UNC80: variants seen among roughly 807,000 people sequenced by gnomAD.
The protein encoded by UNC80 is unc-80 subunit of NALCN channel complex.
UNC80 carries 164 observed loss-of-function variants against 384.6 expected under a neutral mutation model. That is an observed-to-expected ratio of 0.43 (90% CI 0.38 to 0.49). The LOEUF is 0.49. Among genes scored for constraint, UNC80 ranks in the 20% least tolerant of loss-of-function variants. The pLI is 0.00. For missense variants in UNC80, 3,330 were observed against 4,143.0 expected (o/e 0.80, Z 5.39); for synonymous variants, 1,486 against 1,527.8 (o/e 0.97, Z 0.64).
In UNC80 at chr2:209,939,714, T is replaced by A. The variant is rs537883910; in HGVS notation, c.6646+62T>A. ...TTCTAACACACTTGTTGTTTTTTTT[T>A]AAAATTTTATTATTATTATACTTTA... On this transcript the variant is annotated intron_variant, in intron 43 of 64. Transcript: ENST00000673920. 1,512 of 1,392,578 alleles carry A rather than the reference T, an allele frequency of 1.1e-3. 1 individual carries two copies. Among genetic ancestry groups the A allele is most frequent in the Non-Finnish European group, 1.3e-3 (1,354 of 1,049,768 alleles). The allele number at this position is 1,392,578 out of a possible 1,614,324, so 86.3% of individuals were successfully genotyped here.
chr2:209,928,808 C>T (rs1226906084), intron 36 of UNC80, among the ~76,000 whole-genome samples: 1 of 152,138 alleles, frequency 6.6e-6, no homozygotes, highest in Non-Finnish European at 1.5e-5. Flanking sequence ...TATCCATTAA[C>T]CAACCTTTCC....
chr2:209,838,757 T>C (rs942096263), intron 18 of UNC80, among the ~76,000 whole-genome samples: 6 of 151,962 alleles, frequency 3.9e-5, no homozygotes, highest in African/African-American at 1.5e-4. Flanking sequence ...GTCAGGAGAT[T>C]GAGACCATCC....
chr2:209,875,555 C>G (rs1451249376), intron 23 of UNC80, among the ~76,000 whole-genome samples: 1 of 152,186 alleles, frequency 6.6e-6, no homozygotes, highest in African/African-American at 2.4e-5. Context: ...CACTCAGAAA[C>G]TACCTTTCAT....
intron 25 of UNC80, among the ~76,000 whole-genome samples, chr2:209,881,357 G>C (rs2085274691): frequency 6.6e-6 from 1 of 152,058 alleles, no homozygotes; most frequent in South Asian, 2.1e-4. Flanking sequence ...AATTATGCTG[G>C]GAATATCTAG....
Position 209,935,776 on chromosome 2 carries a change from C to T in UNC80, c.6241C>T (p.His2081Tyr). Reference protein sequence around the residue: ...ECDIPTQLPVHEDTQFEALLK... With the variant: ...ECDIPTQLPVYEDTQFEALLK... ...CGATATCCCAACCCAGTTACCAGTCCATGAAGACACTCAATTTGAAGCCCT... is the reference window on the plus strand; with the variant it reads ...CGATATCCCAACCCAGTTACCAGTCTATGAAGACACTCAATTTGAAGCCCT... The change falls in exon 40 of 65, where the codon CAT (histidine) becomes TAT (tyrosine). Residue 2081 changes from histidine to tyrosine, a missense_variant. Coordinates refer to ENST00000673920, the MANE Select transcript of UNC80 (RefSeq NM_001371986.1). 1 of 1,540,594 alleles carries T rather than the reference C, an allele frequency of 6.5e-7. No individual in the cohort carries two copies. The highest frequency in any genetic ancestry group is 8.8e-7 in the Non-Finnish European group (1 of 1,142,822).
intron 13 of UNC80, among the ~76,000 whole-genome samples, chr2:209,824,349 G>C (rs113149448): frequency 6.6e-6 from 1 of 152,128 alleles, no homozygotes; most frequent in Non-Finnish European, 1.5e-5. Context: ...ACCTCTGTTA[G>C]GTATGAAGAA....
intron 17 of UNC80, among the ~76,000 whole-genome samples, 199 bp downstream of exon 17, chr2:209,834,367 A>C (rs1299921970): frequency 6.6e-6 from 1 of 152,206 alleles, no homozygotes; most frequent in Non-Finnish European, 1.5e-5. Context: ...TGCTGCCTCT[A>C]ATATGAATTA....
intron 22 of UNC80, among the ~76,000 whole-genome samples, chr2:209,861,816 T>C (rs375425490): frequency 1.3e-5 from 2 of 152,354 alleles, no homozygotes; most frequent in African/African-American, 4.8e-5. Context: ...CTAGTTTATT[T>C]GCATAGAGGG....
intron 7 of UNC80, chr2:209,808,964 C>A: frequency 3.2e-6 from 1 of 316,922 alleles, no homozygotes; most frequent in Non-Finnish European, 6.1e-6. Context: ...ATCTGGGACG[C>A]CTTCCTGGCG....
chr2:209,988,719 G>T (rs192570158), intron 61 of UNC80, among the ~76,000 whole-genome samples: 4 of 152,140 alleles, frequency 2.6e-5, no homozygotes, highest in Non-Finnish European at 5.9e-5. Flanking sequence ...AATTTCCCTA[G>T]CTTATAAATT....
chr2:209,993,172 T>A, intron 62 of UNC80, 143 bp from the exon 63 acceptor site: 1 of 595,726 alleles, frequency 1.7e-6, no homozygotes, highest in South Asian at 2.7e-5. Flanking sequence ...AAAATACTTA[T>A]AGTTAAATAT....
chr2:209,772,594 C>T (rs2076637528), intron 1 of UNC80, among the ~76,000 whole-genome samples: 1 of 152,072 alleles, frequency 6.6e-6, no homozygotes, highest in African/African-American at 2.4e-5. Context: ...AACCGTTTTG[C>T]TCAGATTAAT....
At chr2:209,827,822 G>A (rs929135536) in intron 14 of UNC80, among the ~76,000 whole-genome samples, 2 of 152,038 alleles carry the variant, frequency 1.3e-5, no homozygotes, top group African/African-American at 4.8e-5. Context: ...GAAACAGAAG[G>A]TTATTCTAAC....
chr2:209,959,956 C>T (rs2092539213), intron 51 of UNC80, among the ~76,000 whole-genome samples: 1 of 152,178 alleles, frequency 6.6e-6, no homozygotes, highest in Non-Finnish European at 1.5e-5. Context: ...TATATATGTG[C>T]TTCTCAATAA....
intron 58 of UNC80, 70 bp downstream of exon 58, chr2:209,977,148 G>T (rs2093034218): frequency 9.6e-6 from 13 of 1,354,122 alleles, no homozygotes; most frequent in Non-Finnish European, 1.2e-5. Context: ...GAATCCCTCT[G>T]TCCAGGTCAC....
At chr2:209,891,631 A>G (rs1310046187) in intron 26 of UNC80, among the ~76,000 whole-genome samples, 1 of 152,084 alleles carries the variant, frequency 6.6e-6, no homozygotes, top group Non-Finnish European at 1.5e-5. Context: ...ATATTTCAAC[A>G]CTCAAATGCT....
intron 18 of UNC80, among the ~76,000 whole-genome samples, chr2:209,837,104 A>AT (rs548379815): frequency 2.0e-5 from 3 of 150,872 alleles, no homozygotes; most frequent in Admixed American, 1.3e-4. Flanking sequence ...AGAATACCCT[A>AT]TTTTTTAAAA....
intron 7 of UNC80, among the ~76,000 whole-genome samples, chr2:209,800,321 T>G (rs190016135): frequency 6.6e-6 from 1 of 152,280 alleles, no homozygotes. Flanking sequence ...ATCCCTTTCT[T>G]CTAGATTTTC....
intron 36 of UNC80, among the ~76,000 whole-genome samples, chr2:209,928,820 A>G (rs1575049093): frequency 1.3e-5 from 2 of 152,118 alleles, no homozygotes; most frequent in South Asian, 4.2e-4. Context: ...AACCTTTCCC[A>G]TGCCTCCCTC....
Sources: gnomAD v4.1 joint callset for allele counts (sites outside exome capture counted in the v4.1 genomes callset) on GRCh38, gnomAD v4.1.1 for gene constraint, MANE v1.5 for transcripts, NCBI Gene and HGNC (gene_info 2026-07-23, HGNC 2026-07-21) for gene names.